Variants in NCALD observed in about 807,000 individuals in gnomAD.
The protein encoded by NCALD is neurocalcin delta, also known as neurocalcin-delta.
NCALD carries 10 observed loss-of-function variants against 18.6 expected under a neutral mutation model. That is an observed-to-expected ratio of 0.54 (90% CI 0.33 to 0.91). NCALD has a LOEUF of 0.91. Ranked by LOEUF, NCALD falls within the 40% of genes least tolerant of loss-of-function variation. The pLI, the probability that NCALD is intolerant of heterozygous loss-of-function variation, is 0.03. For missense variants in NCALD, 184 were observed against 247.6 expected (o/e 0.74, Z 1.72); for synonymous variants, 88 against 87.4 (o/e 1.01, Z -0.04).
chr8:101,772,206 C>T (rs1811613201), intron 1 of NCALD, among the ~76,000 whole-genome samples: 1 of 152,186 alleles, frequency 6.6e-6, no homozygotes, highest in Non-Finnish European at 1.5e-5. Flanking sequence ...TCATATCCTC[C>T]TCTTAGAGGT....
At chr8:101,830,860 A>T (rs948566008) in intron 4 of NCALD, among the ~76,000 whole-genome samples, 7 of 151,244 alleles carry the variant, frequency 4.6e-5, no homozygotes, top group Non-Finnish European at 1.0e-4. Flanking sequence ...GGAGAGGAAT[A>T]CTTTTAAGTT....
At chr8:101,877,890 T>C (rs1816295222) in intron 4 of NCALD, among the ~76,000 whole-genome samples, 1 of 152,240 alleles carries the variant, frequency 6.6e-6, no homozygotes, top group Non-Finnish European at 1.5e-5. Flanking sequence ...GTAAAAAAGC[T>C]GACTCCAGAA....
rs146074744 is a variant in NCALD at position 102,012,828 on chromosome 8, C to T, written c.-157+7409G>A. Among the ~76,000 whole-genome samples, 717 of 152,294 alleles carry T rather than the reference C, an allele frequency of 4.7e-3. 4 individuals carry two copies. The highest frequency in any genetic ancestry group is 0.015 in the African/African-American group (619 of 41,562). ...AAGGGCTTCAGGACTGCAAAACACA[C>T]ATGAATTTTCCCTTTTCTCAGCTCC... On this transcript the variant is annotated intron_variant, in intron 2 of 6. Coordinates refer to the NCALD transcript ENST00000311028.
At chr8:101,893,167 A>C (rs1422462884) in intron 3 of NCALD, among the ~76,000 whole-genome samples, 2 of 152,040 alleles carry the variant, frequency 1.3e-5, no homozygotes, top group South Asian at 2.1e-4. Flanking sequence ...CGGATCTCTC[A>C]GCAGAAACCC....
intron 3 of NCALD, among the ~76,000 whole-genome samples, chr8:101,890,490 G>C (rs1816832262): frequency 1.3e-5 from 2 of 152,174 alleles, no homozygotes; most frequent in Admixed American, 6.5e-5. Flanking sequence ...ACAGTATTGA[G>C]AGATATGGCC....
chr8:101,812,845 C>G (rs1177569328), intron 4 of NCALD, among the ~76,000 whole-genome samples: 1 of 152,128 alleles, frequency 6.6e-6, no homozygotes, highest in Admixed American at 6.6e-5. Flanking sequence ...AATAATTCCT[C>G]TTTTTTCCTA....
At chr8:102,039,304 T>C (rs1822971419) in intron 1 of NCALD, among the ~76,000 whole-genome samples, 2 of 152,074 alleles carry the variant, frequency 1.3e-5, no homozygotes, top group Non-Finnish European at 2.9e-5. Context: ...TACACAGCAA[T>C]AGAAAAGGAA....
chr8:101,895,965 A>G (rs1817149193), intron 3 of NCALD, among the ~76,000 whole-genome samples: 1 of 151,096 alleles, frequency 6.6e-6, no homozygotes, highest in Non-Finnish European at 1.5e-5. Flanking sequence ...ATTCAGTGCC[A>G]TCCCCATCAA....
chr8:101,907,030 C>G (rs1817632784), intron 3 of NCALD, among the ~76,000 whole-genome samples: 1 of 152,226 alleles, frequency 6.6e-6, no homozygotes, highest in South Asian at 2.1e-4. Context: ...CAGTGTGACT[C>G]TGCACAGCAA....
At chr8:101,989,132 A>T (rs561652848) in intron 2 of NCALD, among the ~76,000 whole-genome samples, 18 of 152,292 alleles carry the variant, frequency 1.2e-4, no homozygotes, top group Admixed American at 1.2e-3. Context: ...CCTCGTGGGA[A>T]CCTGGCTTTT....
rs552230351 is a variant in NCALD at position 101,939,808 on chromosome 8, A to G, written c.-156-23950T>C. Among the ~76,000 whole-genome samples, 26 of 152,298 alleles carry G rather than the reference A, an allele frequency of 1.7e-4. No homozygotes were observed. In the South Asian group the frequency reaches 5.4e-3, roughly 32 times the overall value. ...TTGGTGAGGTATTTCCCATCTGATA[A>G]TGTCTTTTGATCCTCCCAACAATTC... On this transcript the variant is annotated intron_variant, in intron 2 of 6. Coordinates refer to the NCALD transcript ENST00000311028.
chr8:101,876,282 C>G (rs1249512220), intron 4 of NCALD, among the ~76,000 whole-genome samples: 1 of 152,162 alleles, frequency 6.6e-6, no homozygotes, highest in Non-Finnish European at 1.5e-5. Flanking sequence ...AATGACAAGG[C>G]AGTGCTAGCA....
At chr8:101,784,498 A>C (rs1416631133) in intron 1 of NCALD, among the ~76,000 whole-genome samples, 2 of 152,192 alleles carry the variant, frequency 1.3e-5, no homozygotes, top group African/African-American at 2.4e-5. Context: ...GAGAGGAGCA[A>C]GATTCTAGAA....
At chr8:101,805,612 G>C (rs1813070560) in intron 4 of NCALD, among the ~76,000 whole-genome samples, 2 of 152,154 alleles carry the variant, frequency 1.3e-5, no homozygotes, top group Admixed American at 6.5e-5. Flanking sequence ...CCCAGATGGA[G>C]AGGCCGTCCA....
At chr8:101,873,120 C>T (rs907411151) in intron 4 of NCALD, among the ~76,000 whole-genome samples, 9 of 152,214 alleles carry the variant, frequency 5.9e-5, no homozygotes, top group Non-Finnish European at 1.3e-4. Context: ...CCATTGACTT[C>T]TGTTTTTTAA....
intron 1 of NCALD, among the ~76,000 whole-genome samples, chr8:102,042,345 T>C (rs930776606): frequency 2.0e-5 from 3 of 151,748 alleles, no homozygotes; most frequent in African/African-American, 7.3e-5. Flanking sequence ...TTGGGAAAGG[T>C]TTAGGGAGCG....
At chr8:101,800,464 A>C (rs1218289716) in intron 4 of NCALD, among the ~76,000 whole-genome samples, 1 of 152,106 alleles carries the variant, frequency 6.6e-6, no homozygotes, top group African/African-American at 2.4e-5. Flanking sequence ...AGAAGGAGGA[A>C]AAAAGAGCAA....
At chr8:101,743,998 A>G (rs1004749873) in intron 1 of NCALD, among the ~76,000 whole-genome samples, 1 of 152,216 alleles carries the variant, frequency 6.6e-6, no homozygotes, top group Non-Finnish European at 1.5e-5. Context: ...TGAGATGTAA[A>G]CAGCCCAGAG....
chr8:101,977,236 G>GA (rs773588573), intron 2 of NCALD, among the ~76,000 whole-genome samples: 3,497 of 143,630 alleles, frequency 0.024, 133 homozygotes, highest in African/African-American at 0.079. Context: ...TTTTTACAGT[G>GA]AAAAAAAAAA....
Sources: gnomAD v4.1 joint callset for allele counts (sites outside exome capture counted in the v4.1 genomes callset) on GRCh38, gnomAD v4.1.1 for gene constraint, MANE v1.5 for transcripts, NCBI Gene and HGNC (gene_info 2026-07-23, HGNC 2026-07-21) for gene names.